The following SLC66A3 variants were observed in gnomAD, a reference collection of about 807,000 sequenced individuals.
SLC66A3 encodes the protein solute carrier family 66 member 3.
A neutral mutation model predicts 25.5 loss-of-function variants in SLC66A3; 23 were observed. The ratio of observed to expected loss-of-function variants is 0.90; its 90% CI spans 0.65 to 1.28. The LOEUF (loss-of-function observed/expected upper bound fraction) is 1.28, where lower values mean the gene tolerates loss of function less well. Ranked by LOEUF, SLC66A3 falls within the 50% of genes most tolerant of loss-of-function variation. The pLI, the probability that SLC66A3 is intolerant of heterozygous loss-of-function variation, is 0.00. For missense variants in SLC66A3, 246 were observed against 262.1 expected (o/e 0.94, Z 0.42); for synonymous variants, 108 against 112.6 (o/e 0.96, Z 0.26).
intron 6 of SLC66A3, 67 bp from the exon 7 acceptor site, chr2:11,177,670 T>C: frequency 1.0e-6 from 1 of 960,198 alleles, no homozygotes; most frequent in South Asian, 1.4e-5. Context: ...GCTTATACTT[T>C]GAGCAGGAGG....
chr2:11,174,952 A>G lies in SLC66A3; in HGVS notation c.476-16A>G, dbSNP rs1277519393. The G allele has an allele frequency of 1.2e-6, 2 of 1,605,042 alleles. No homozygotes were observed. The highest frequency in any genetic ancestry group is 1.7e-6 in the Non-Finnish European group (2 of 1,176,274). On this transcript the variant is annotated splice_polypyrimidine_tract_variant and intron_variant, in intron 5 of 6. Coordinates refer to ENST00000295083, the MANE Select transcript of SLC66A3 (RefSeq NM_152391.5). ...CGAGAGGCAAGTTACTTATTGCTGC[A>G]AGTTTTCTTTTACAGCAAGAATAAT...
chr2:11,175,054 T>C (rs1211628689), intron 6 of SLC66A3, 45 bp downstream of exon 6: 2 of 1,418,580 alleles, frequency 1.4e-6, no homozygotes, highest in African/African-American at 1.4e-5. Context: ...TTTGTGCTAT[T>C]TGTGTCTCCT....
chr2:11,160,361 C>A (rs554776219), intron 1 of SLC66A3, 105 bp from the exon 2 acceptor site: 2 of 895,836 alleles, frequency 2.2e-6, no homozygotes, highest in East Asian at 2.4e-5. Flanking sequence ...GTCCACACCC[C>A]CACTGCAAGG....
chr2:11,168,282 G>GA lies in SLC66A3; in HGVS notation c.355-3629dup, dbSNP rs776255689. Among the ~76,000 whole-genome samples the GA allele has an allele frequency of 7.8e-3, 1,015 of 130,040 alleles. 4 individuals are homozygous for GA. The highest frequency in any genetic ancestry group is 0.01 in the Non-Finnish European group (625 of 60,070). 85.3% of individuals were successfully genotyped at this position (130,040 alleles called of 152,430 possible). A position where few individuals can be genotyped will look rare whatever the true frequency, so the allele number is the denominator to read the frequency against. ...CCTGGGTGACAGCAAGACTCTGTCT[G>GA]AAAAAAAAAAAAAAGCTCTCCGTGA... On this transcript the variant is annotated intron_variant, in intron 4 of 6. Transcript: ENST00000295083.
At chr2:11,176,105 G>A (rs769346866) in intron 6 of SLC66A3, among the ~76,000 whole-genome samples, 1 of 152,158 alleles carries the variant, frequency 6.6e-6, no homozygotes, top group African/African-American at 2.4e-5. Context: ...CAAGTAAACA[G>A]CAAAACCTAT....
intron 3 of SLC66A3, among the ~76,000 whole-genome samples, chr2:11,161,825 A>G (rs1278127583): frequency 1.3e-5 from 2 of 152,210 alleles, no homozygotes; most frequent in Non-Finnish European, 2.9e-5. Flanking sequence ...CTGGCCCAAG[A>G]AAGTGTTTTG....
chr2:11,165,084 G>A (rs915949335), intron 4 of SLC66A3, among the ~76,000 whole-genome samples: 1 of 150,870 alleles, frequency 6.6e-6, no homozygotes, highest in African/African-American at 2.4e-5. Flanking sequence ...GGGCAGAGGG[G>A]TCCTCACTTC....
At chr2:11,170,835 C>T (rs1429857700) in intron 4 of SLC66A3, among the ~76,000 whole-genome samples, 1 of 151,684 alleles carries the variant, frequency 6.6e-6, no homozygotes, top group Non-Finnish European at 1.5e-5. Context: ...GTGATTCGTC[C>T]GCCTCAGCCT....
intron 3 of SLC66A3, 103 bp from the exon 4 acceptor site, chr2:11,164,101 G>C: frequency 1.5e-6 from 1 of 673,520 alleles, no homozygotes; most frequent in South Asian, 1.8e-5. Context: ...CCACCCACCT[G>C]GCTTCTGCGT....
At chr2:11,171,608 A>C (rs1662554749) in intron 4 of SLC66A3, among the ~76,000 whole-genome samples, 1 of 150,634 alleles carries the variant, frequency 6.6e-6, no homozygotes, top group African/African-American at 2.4e-5. Context: ...TCACTCTGTC[A>C]CCCAGGCTGG....
chr2:11,176,780 G>A (rs369460742), intron 6 of SLC66A3, among the ~76,000 whole-genome samples: 56 of 117,738 alleles, frequency 4.8e-4, no homozygotes, highest in African/African-American at 3.2e-4. Context: ...CGCCCGCCTC[G>A]GCCTCCCAAA....
At chr2:11,168,276 C>G (rs1181894380) in intron 4 of SLC66A3, among the ~76,000 whole-genome samples, 7 of 149,916 alleles carry the variant, frequency 4.7e-5, no homozygotes, top group Admixed American at 2.7e-4. Context: ...CAGCAAGACT[C>G]TGTCTGAAAA....
At chr2:11,167,578 A>C (rs1352969488) in intron 4 of SLC66A3, among the ~76,000 whole-genome samples, 1 of 152,202 alleles carries the variant, frequency 6.6e-6, no homozygotes, top group African/African-American at 2.4e-5. Flanking sequence ...ATGGAATATA[A>C]TTTTGATTCT....
intron 2 of SLC66A3, 23 bp from the exon 3 acceptor site, chr2:11,160,602 C>T (rs1375418016): frequency 1.2e-6 from 2 of 1,614,072 alleles, no homozygotes; most frequent in Admixed American, 1.7e-5. Flanking sequence ...CTTCCCCCCT[C>T]ACTCGGAGCC....
At chr2:11,161,754 C>T (rs376002749) in intron 3 of SLC66A3, among the ~76,000 whole-genome samples, 2 of 152,240 alleles carry the variant, frequency 1.3e-5, no homozygotes, top group African/African-American at 4.8e-5. Context: ...CTCCCGGACT[C>T]AAGCGATCTT....
At chr2:11,155,808 G>C (rs1661876466) in intron 1 of SLC66A3, 119 bp downstream of exon 1, 1 of 1,028,840 alleles carries the variant, frequency 9.7e-7, no homozygotes, top group African/African-American at 1.7e-5. Context: ...CGGCGTCGCA[G>C]CTGGGCGGCC....
chr2:11,168,126 T>TA (rs1036184232), intron 4 of SLC66A3, among the ~76,000 whole-genome samples: 14 of 150,652 alleles, frequency 9.3e-5, no homozygotes, highest in Middle Eastern at 3.4e-3. Context: ...TAAAAATATA[T>TA]AAAAAAAAAT....
chr2:11,168,258 C>T (rs561350863), intron 4 of SLC66A3, among the ~76,000 whole-genome samples: 1 of 151,250 alleles, frequency 6.6e-6, no homozygotes, highest in Non-Finnish European at 1.5e-5. Context: ...GCACTCCAGC[C>T]TGGGTGACAG....
intron 4 of SLC66A3, among the ~76,000 whole-genome samples, chr2:11,168,591 C>T (rs971079392): frequency 5.3e-5 from 8 of 152,074 alleles, no homozygotes; most frequent in African/African-American, 1.4e-4. Flanking sequence ...CATTCCGCAC[C>T]GACTCCTCGC....
Sources: allele counts gnomAD v4.1 joint callset (sites outside exome capture counted in the v4.1 genomes callset), GRCh38; gene constraint gnomAD v4.1.1; transcripts MANE v1.5; gene names NCBI Gene and HGNC (gene_info 2026-07-23, HGNC 2026-07-21).